The following STX11 variants were observed in gnomAD, a reference collection of about 807,000 sequenced individuals.
The protein encoded by STX11 is syntaxin-11.
In STX11, 21 loss-of-function variants were observed where a neutral mutation model predicts 19.9. The observed-to-expected ratio is 1.06, with a 90% CI of 0.75 to 1.52. The LOEUF (loss-of-function observed/expected upper bound fraction) is 1.52, where lower values mean the gene tolerates loss of function less well. Ranked by LOEUF, STX11 falls within the 40% of genes most tolerant of loss-of-function variation. The probability of loss-of-function intolerance (pLI) is 0.00; values close to 1 mark genes in which losing one functional copy is unlikely to be tolerated. For synonymous variants in STX11, 193 were observed against 174.4 expected (o/e 1.11, Z -0.84); for missense variants, 438 against 405.9 (o/e 1.08, Z -0.68).
chr6:144,186,240 A>G (rs1368135258), intron 1 of STX11, among the ~76,000 whole-genome samples: 1 of 150,688 alleles, frequency 6.6e-6, no homozygotes, highest in African/African-American at 2.4e-5. Flanking sequence ...TGGGTGCAGC[A>G]CACCAACATG....
the STX11 span, among the ~76,000 whole-genome samples, chr6:144,143,994 G>A: frequency 6.6e-6 from 1 of 152,312 alleles, no homozygotes; most frequent in South Asian, 2.1e-4. Context: ...TAATATATGA[G>A]AGCTAGACAG....
the STX11 span, among the ~76,000 whole-genome samples, chr6:144,141,020 T>C: frequency 1.3e-4 from 20 of 152,382 alleles, no homozygotes; most frequent in Admixed American, 2.6e-4. Flanking sequence ...ATTCTGTTTG[T>C]GCTTTTCCGT....
upstream of STX11, among the ~76,000 whole-genome samples, chr6:144,146,500 C>T (rs949623938): frequency 6.6e-5 from 10 of 152,098 alleles, no homozygotes; most frequent in Admixed American, 2.0e-4. This position sits in a 1 kb window ranked among gnomAD's most constrained non-coding sequence, Gnocchi z 4.4. Context: ...TTAGTAGAGA[C>T]GGGGTTTCTC....
In STX11 at chr6:144,187,458, C is replaced by A. The variant is rs763282100; in HGVS notation, c.831C>A (p.Thr277=). The A allele has an allele frequency of 1.3e-5, 21 of 1,612,392 alleles. No individual in the cohort carries two copies. The African/African-American group carries it at 2.7e-4, about 20-fold the overall frequency. The part of the protein sequence containing the change: ...VQYEEKNPCR[T]LCCFCCPCLK ...ACGAGGAGAAGAACCCCTGCCGGACCCTCTGCTGCTTCTGCTGTCCCTGCC... is the reference window on the plus strand; with the variant it reads ...ACGAGGAGAAGAACCCCTGCCGGACACTCTGCTGCTTCTGCTGTCCCTGCC... Residue 277 remains threonine, a synonymous_variant, in exon 2 of 2, where the codon ACC becomes ACA. Transcript: ENST00000367568. The surrounding 1 kb of genome is among the most constrained non-coding windows in gnomAD (Gnocchi z 5.6).
At chr6:144,179,955 G>C (rs983655676) in intron 1 of STX11, among the ~76,000 whole-genome samples, 9 of 152,222 alleles carry the variant, frequency 5.9e-5, no homozygotes, top group Admixed American at 5.2e-4. Flanking sequence ...GGTCTGTTTT[G>C]CTTCTGAAAT....
the STX11 span, among the ~76,000 whole-genome samples, chr6:144,140,963 G>T: frequency 6.6e-6 from 1 of 152,134 alleles, no homozygotes; most frequent in Non-Finnish European, 1.5e-5. Context: ...GTATTTCAAG[G>T]CTTGTGGCTA....
rs543517001 is a variant in STX11 at position 144,153,317 on chromosome 6, A to G, written c.-6+2614A>G. 3.3e-5 allele frequency among the ~76,000 whole-genome samples: 5 copies of G among 152,314 alleles called. No homozygotes were observed. The South Asian group carries it at 8.3e-4, about 25-fold the overall frequency. ...GAACTTGGCCCAGGCTTGTCTCATG[A>G]TAAGTGTTAGAAAGTGTTTATTGAT... On this transcript the variant is annotated intron_variant, in intron 1 of 1. Transcript: ENST00000367568. This position sits in a 1 kb window ranked among gnomAD's most constrained non-coding sequence, Gnocchi z 5.0.
Position 144,162,066 on chromosome 6 carries a change from C to T in STX11, c.-6+11363C>T, listed in dbSNP as rs1323088078. Among the ~76,000 whole-genome samples, 1 of 152,152 alleles carries T rather than the reference C, an allele frequency of 6.6e-6. No individual in the cohort carries two copies. The highest frequency in any genetic ancestry group is 1.5e-5 in the Non-Finnish European group (1 of 68,026). ...TCTTTTCAGTTGGCTACCTCTACCG[C>T]ACTCTAGATTCTCTTTTACCCTGTT... On this transcript the variant is annotated intron_variant, in intron 1 of 1. Transcript: ENST00000367568. The surrounding 1 kb of genome is among the most constrained non-coding windows in gnomAD (Gnocchi z 4.6).
At chr6:144,185,248 C>T (rs1801997169) in intron 1 of STX11, among the ~76,000 whole-genome samples, 1 of 152,218 alleles carries the variant, frequency 6.6e-6, no homozygotes, top group African/African-American at 2.4e-5. Context: ...CCAAATCCAA[C>T]TTGTCAGCAT....
At chr6:144,147,180 C>T (rs76872849), upstream of STX11, among the ~76,000 whole-genome samples, 2 of 149,208 alleles carry the variant, frequency 1.3e-5, no homozygotes, top group Non-Finnish European at 3.0e-5. The surrounding 1 kb of genome is among the most constrained non-coding windows in gnomAD (Gnocchi z 4.2). Context: ...AAAAAAAAAA[C>T]TGCTTTGACT....
chr6:144,185,400 T>C (rs1178257137), intron 1 of STX11, among the ~76,000 whole-genome samples: 5 of 152,228 alleles, frequency 3.3e-5, no homozygotes, highest in Admixed American at 6.5e-5. Context: ...AGAAAAAGAA[T>C]CTTTCTCATC....
chr6:144,176,330 C>T lies in STX11; in HGVS notation c.-5-10293C>T, dbSNP rs980111705. Among the ~76,000 whole-genome samples the T allele has an allele frequency of 1.3e-5, 2 of 152,186 alleles. No homozygotes were observed. Among genetic ancestry groups the T allele is most frequent in the African/African-American group, 4.8e-5 (2 of 41,438 alleles). On this transcript the variant is annotated intron_variant, in intron 1 of 1. Coordinates refer to ENST00000367568, the MANE Select transcript of STX11 (RefSeq NM_003764.4). The surrounding 1 kb of genome is among the most constrained non-coding windows in gnomAD (Gnocchi z 4.1). ...TTAAATCCCAGACTTCTCTCTTACT[C>T]ACTGGGTGAACTTAACTTCTCCGAG... is the stretch of plus-strand genomic sequence containing the variant.
chr6:144,187,133 G>T lies in STX11; in HGVS notation c.506G>T (p.Gly169Val). ...IRIQRQLEIM[G>V]KEVSGDQIED... is the part of the protein sequence containing the mutation. ...ATCCAGCGCCAGCTGGAGATCATGG[G>T]CAAGGAAGTCTCGGGCGACCAGATC... The change falls in exon 2 of 2, where the codon GGC becomes GTC. Residue 169 changes from glycine (G) to valine (V), a missense_variant. Coordinates refer to ENST00000367568, the MANE Select transcript of STX11 (RefSeq NM_003764.4). The surrounding 1 kb of genome is among the most constrained non-coding windows in gnomAD (Gnocchi z 5.6). The T allele has an allele frequency of 6.2e-7, 1 of 1,614,008 alleles. No individual in the cohort carries two copies. Among genetic ancestry groups the T allele is most frequent in the South Asian group, 1.1e-5 (1 of 91,092 alleles).
At chr6:144,144,980 G>A in the STX11 span, among the ~76,000 whole-genome samples, 1 of 152,170 alleles carries the variant, frequency 6.6e-6, no homozygotes, top group African/African-American at 2.4e-5. Context: ...GTGAAAAATG[G>A]TAATGATAAT....
chr6:144,142,410 A>C, the STX11 span, among the ~76,000 whole-genome samples: 933 of 152,318 alleles, frequency 6.1e-3, 45 homozygotes, highest in East Asian at 0.12. Flanking sequence ...ATTTCATCAC[A>C]TATCTAGAAG....
rs1801091723 is a variant in STX11, at chr6:144,154,784, T to C, written c.-6+4081T>C. On this transcript the variant is annotated intron_variant, in intron 1 of 1. Coordinates refer to ENST00000367568, the MANE Select transcript of STX11 (RefSeq NM_003764.4). This position sits in a 1 kb window ranked among gnomAD's most constrained non-coding sequence, Gnocchi z 4.7. ...CTGCCTCTAACTTCCAGAATTTTAT[T>C]AAGTGAGTCTGGTCCTGCTGTGTCT... Among the ~76,000 whole-genome samples the C allele has an allele frequency of 6.6e-6, 1 of 152,184 alleles. No homozygotes were observed. The highest frequency in any genetic ancestry group is 1.5e-5 in the Non-Finnish European group (1 of 68,046).
rs148333223 is a variant in STX11, at chr6:144,152,431, C to T, written c.-6+1728C>T. ...TCATTTACTTGTCTTTGTAGGCAGC[C>T]TATTCTTCATTTGATACATGATTTA... On this transcript the variant is annotated intron_variant, in intron 1 of 1. Coordinates refer to ENST00000367568, the MANE Select transcript of STX11 (RefSeq NM_003764.4). This position sits in a 1 kb window ranked among gnomAD's most constrained non-coding sequence, Gnocchi z 4.9. Among the ~76,000 whole-genome samples, 1 of 152,226 alleles carries T rather than the reference C, an allele frequency of 6.6e-6. No individual in the cohort carries two copies. The highest frequency in any genetic ancestry group is 2.4e-5 in the African/African-American group (1 of 41,530).
the STX11 span, among the ~76,000 whole-genome samples, chr6:144,144,967 G>A: frequency 2.0e-5 from 3 of 152,318 alleles, no homozygotes; most frequent in South Asian, 2.1e-4. Context: ...TGTCTTGGCT[G>A]TTGTGAAAAA....
In STX11 at chr6:144,187,843, A is replaced by C; in HGVS notation, c.*352A>C. 2.5e-6 allele frequency: 1 copy of C among 402,582 alleles called. No homozygotes were observed. 24.9% of individuals were successfully genotyped at this position (402,582 alleles called of 1,614,324 possible). A position where few individuals can be genotyped will look rare whatever the true frequency, so the allele number is the denominator to read the frequency against. On this transcript the variant is annotated 3_prime_UTR_variant, in exon 2 of 2. Transcript: ENST00000367568. The surrounding 1 kb of genome is among the most constrained non-coding windows in gnomAD (Gnocchi z 5.6). The stretch of plus-strand genomic sequence containing the variant: ...CCTGCCTCCTAATAAAGACTCAAGG[A>C]GGAAGTCAATTGGGCATCTGCTAAT...
Sources: allele counts gnomAD v4.1 joint callset (sites outside exome capture counted in the v4.1 genomes callset), GRCh38; gene constraint gnomAD v4.1.1; non-coding constraint Gnocchi (gnomAD v3.1); transcripts MANE v1.5; gene names NCBI Gene and HGNC (gene_info 2026-07-23, HGNC 2026-07-21).